Variants in LASP1 observed in about 807,000 individuals in gnomAD.
LASP1 encodes LIM and SH3 domain protein 1.
Under a neutral mutation model 38.6 loss-of-function variants are expected in LASP1, and 10 were observed. The observed-to-expected ratio is 0.26, with a 90% CI of 0.16 to 0.44. The LOEUF (loss-of-function observed/expected upper bound fraction) is 0.44. Among genes scored for constraint, LASP1 ranks in the 20% least tolerant of loss-of-function variants. The pLI is 1.00. For synonymous variants in LASP1, 132 were observed against 140.8 expected (o/e 0.94, Z 0.44); for missense variants, 243 against 375.7 (o/e 0.65, Z 2.92).
chr17:38,886,316 G>A (rs1005831982), intron 2 of LASP1, among the ~76,000 whole-genome samples: 6 of 152,054 alleles, frequency 3.9e-5, no homozygotes, highest in Non-Finnish European at 8.8e-5. Flanking sequence ...TGTGGGCTGT[G>A]GGGAGGGGAC....
At chr17:38,887,756 G>A (rs931165027) in intron 2 of LASP1, among the ~76,000 whole-genome samples, 2 of 152,306 alleles carry the variant, frequency 1.3e-5, no homozygotes, top group Admixed American at 6.5e-5. Flanking sequence ...CCTGCACTGG[G>A]CCCTGTCAAG....
chr17:38,881,085 A>G (rs895136100), intron 2 of LASP1, among the ~76,000 whole-genome samples: 6 of 151,920 alleles, frequency 3.9e-5, no homozygotes, highest in Admixed American at 3.3e-4. Flanking sequence ...TGAGCGACAG[A>G]GCGAGACTCC....
chr17:38,892,521 G>C (rs1195345614), intron 3 of LASP1, among the ~76,000 whole-genome samples: 1 of 151,948 alleles, frequency 6.6e-6, no homozygotes, highest in African/African-American at 2.4e-5. Flanking sequence ...TCGGAGAAGA[G>C]GTGCTGGGAG....
chr17:38,907,440 T>C (rs1371004034), intron 4 of LASP1, among the ~76,000 whole-genome samples: 1 of 152,202 alleles, frequency 6.6e-6, no homozygotes, highest in African/African-American at 2.4e-5. Context: ...AAAGGGCCTG[T>C]CTAGCTGTGA....
At chr17:38,881,147 A>G (rs1913937584) in intron 2 of LASP1, among the ~76,000 whole-genome samples, 1 of 152,206 alleles carries the variant, frequency 6.6e-6, no homozygotes, top group Admixed American at 6.5e-5. Flanking sequence ...ATTCCTGCCC[A>G]GGGATGTTGG....
chr17:38,890,235 C>G, intron 2 of LASP1, 185 bp from the exon 3 acceptor site: 1 of 588,994 alleles, frequency 1.7e-6, no homozygotes, highest in East Asian at 2.9e-5. Context: ...CCAGTCCCAG[C>G]TGAGTCTGAG....
At chr17:38,907,124 A>T (rs762580764) in intron 4 of LASP1, among the ~76,000 whole-genome samples, 12 of 152,142 alleles carry the variant, frequency 7.9e-5, no homozygotes, top group Non-Finnish European at 1.6e-4. Context: ...GTGGGTCAGG[A>T]AAGTAATAAC....
At chr17:38,881,475 C>T (rs1164219826) in intron 2 of LASP1, among the ~76,000 whole-genome samples, 2 of 152,238 alleles carry the variant, frequency 1.3e-5, no homozygotes, top group Admixed American at 6.5e-5. Context: ...GCTTGTCATA[C>T]TCTTGGCCTC....
chr17:38,883,613 C>T (rs1404750746), intron 2 of LASP1, among the ~76,000 whole-genome samples: 1 of 152,142 alleles, frequency 6.6e-6, no homozygotes, highest in Admixed American at 6.5e-5. Context: ...TTCAGGCCTC[C>T]TGGAGCCTGA....
At position 38,898,932 on chromosome 17, in the gene LASP1, T is replaced by C. The variant is rs1598114507; in HGVS notation, c.357+413T>C. On this transcript the variant is annotated intron_variant, in intron 4 of 6. Transcript: ENST00000318008. ...CTGACATTGCAGTCATTTCCGCCCT[T>C]CCTTGGCCTCCTCCCCCACATCAGC... is the stretch of plus-strand genomic sequence containing the variant. 8.3e-6 allele frequency: 3 copies of C among 362,240 alleles called. No individual in the cohort carries two copies. The East Asian group carries it at 2.2e-4, about 27-fold the overall frequency. The allele number at this position is 362,240 out of a possible 1,614,324, so 22.4% of individuals were successfully genotyped here.
At chr17:38,915,936 G>C (rs570390752) in intron 6 of LASP1, 1 of 152,210 alleles carries the variant, frequency 6.6e-6, no homozygotes, top group East Asian at 1.9e-4. Flanking sequence ...AGATAAAATC[G>C]CCTGAGATAA....
Position 38,911,466 on chromosome 17 carries a change from G to T in LASP1, c.358-2859G>T, listed in dbSNP as rs561607783. The stretch of plus-strand genomic sequence containing the variant: ...TGACTACCTCAGAGACTTGTGGGGA[G>T]GATTCGGCGAGCTGATATGCATGAA... On this transcript the variant is annotated intron_variant, in intron 4 of 6. Transcript: ENST00000318008. 6.6e-5 allele frequency among the ~76,000 whole-genome samples: 10 copies of T among 152,316 alleles called. No homozygotes were observed. The South Asian group carries it at 1.7e-3, about 25-fold the overall frequency.
At chr17:38,881,266 T>C (rs1201091746) in intron 2 of LASP1, among the ~76,000 whole-genome samples, 3 of 152,098 alleles carry the variant, frequency 2.0e-5, no homozygotes, top group Non-Finnish European at 2.9e-5. Context: ...TTTATTTTGC[T>C]TTGGTTTTTT....
intron 3 of LASP1, among the ~76,000 whole-genome samples, chr17:38,896,696 G>T (rs915885886): frequency 6.6e-6 from 1 of 152,180 alleles, no homozygotes; most frequent in Non-Finnish European, 1.5e-5. Context: ...TGTCTGTATC[G>T]TGGGTTGGAG....
At chr17:38,890,579 A>G (rs1914285298) in intron 3 of LASP1, 75 bp downstream of exon 3, 1 of 1,321,248 alleles carries the variant, frequency 7.6e-7, no homozygotes, top group Non-Finnish European at 1.1e-6. Flanking sequence ...GGCATTTGGC[A>G]AGAGTACCTT....
At chr17:38,914,501 A>T (rs895001423) in intron 5 of LASP1, 26 bp downstream of exon 5, 2 of 1,574,884 alleles carry the variant, frequency 1.3e-6, no homozygotes, top group Non-Finnish European at 1.7e-6. Flanking sequence ...GTTGGTGCAG[A>T]TGACCTGAGG....
chr17:38,896,011 A>G (rs546747071), intron 3 of LASP1, among the ~76,000 whole-genome samples: 17 of 152,064 alleles, frequency 1.1e-4, no homozygotes, highest in Non-Finnish European at 2.1e-4. Context: ...CCTGAGCGAC[A>G]ACTGGGTTGT....
chr17:38,877,227 C>T (rs1913807948), intron 1 of LASP1, among the ~76,000 whole-genome samples: 1 of 152,194 alleles, frequency 6.6e-6, no homozygotes, highest in Non-Finnish European at 1.5e-5. Context: ...CCCAGGAGGG[C>T]CAGGTGTTAT....
Position 38,890,219 on chromosome 17 carries a change from G to C in LASP1, c.165-201G>C, listed in dbSNP as rs1315552091. Reference sequence around the variant, plus strand: ...CACTGATGCCTGCTGCGTCTTCCCAGGTCAGCCAGTCCCAGCTGAGTCTGA... The same window carrying C: ...CACTGATGCCTGCTGCGTCTTCCCACGTCAGCCAGTCCCAGCTGAGTCTGA... On this transcript the variant is annotated intron_variant, in intron 2 of 6. Coordinates refer to ENST00000318008, the MANE Select transcript of LASP1 (RefSeq NM_006148.4). 4 of 576,518 alleles carry C rather than the reference G, an allele frequency of 6.9e-6. No homozygotes were observed. In the African/African-American group the frequency reaches 7.5e-5, roughly 11 times the overall value. The allele number at this position is 576,518 out of a possible 1,614,324, so 35.7% of individuals were successfully genotyped here.
Sources: gnomAD v4.1 joint callset for allele counts (sites outside exome capture counted in the v4.1 genomes callset) on GRCh38, gnomAD v4.1.1 for gene constraint, MANE v1.5 for transcripts, NCBI Gene and HGNC (gene_info 2026-07-23, HGNC 2026-07-21) for gene names.